The following TBCE variants were observed in gnomAD, a reference collection of about 807,000 sequenced individuals.
TBCE encodes tubulin folding cofactor E.
In TBCE, 53 loss-of-function variants were observed where a neutral mutation model predicts 77.0. The observed-to-expected ratio is 0.69, with a 90% CI of 0.55 to 0.87. The LOEUF is 0.87. TBCE is among the 40% of genes least tolerant of loss of function. The probability of loss-of-function intolerance (pLI) is 0.00; values close to 1 mark genes in which losing one functional copy is unlikely to be tolerated. For synonymous variants in TBCE, 235 were observed against 241.3 expected (o/e 0.97, Z 0.24); for missense variants, 624 against 622.4 (o/e 1.00, Z -0.03).
intron 1 of TBCE, among the ~76,000 whole-genome samples, chr1:235,376,040 T>G (rs2016437): frequency 0.73 from 111,287 of 151,966 alleles, 41,967 homozygotes; most frequent in African/African-American, 0.93. Context: ...AGCGAGACTC[T>G]TCTCAAAACA....
intron 1 of TBCE, among the ~76,000 whole-genome samples, chr1:235,376,391 G>A (rs757483542): frequency 6.6e-6 from 1 of 152,092 alleles, no homozygotes; most frequent in Non-Finnish European, 1.5e-5. Flanking sequence ...GTACCCTTAA[G>A]CTGAGCCCCA....
At chr1:235,398,752 GC>G (rs1553333808) in intron 2 of TBCE, among the ~76,000 whole-genome samples, 104 of 143,480 alleles carry the variant, frequency 7.2e-4, no homozygotes, top group Middle Eastern at 3.6e-3. Context: ...TGGGACTACA[GC>G]TACTGTAGTC....
intron 1 of TBCE, among the ~76,000 whole-genome samples, chr1:235,368,726 T>G (rs1433090493): frequency 6.8e-6 from 1 of 147,708 alleles, no homozygotes; most frequent in Non-Finnish European, 1.5e-5. Context: ...CCCAGCTAAT[T>G]TTTTTTTTTT....
chr1:235,371,078 A>C (rs1242112237), intron 1 of TBCE, among the ~76,000 whole-genome samples: 11 of 69,200 alleles, frequency 1.6e-4, no homozygotes, highest in Non-Finnish European at 2.3e-4. Context: ...TTTTTGAGAC[A>C]GAGTGGTTGC....
In TBCE at chr1:235,449,090, T is replaced by TGTCA. The variant is rs1682714656; in HGVS notation, c.*329_*332dup. 2 of 320,272 alleles carry TGTCA rather than the reference T, an allele frequency of 6.2e-6. No individual in the cohort carries two copies. Among genetic ancestry groups the TGTCA allele is most frequent in the East Asian group, 8.3e-5 (1 of 12,112 alleles). 19.8% of individuals were successfully genotyped at this position (320,272 alleles called of 1,614,324 possible). On this transcript the variant is annotated 3_prime_UTR_variant, in exon 17 of 17. Coordinates refer to ENST00000642610, the MANE Select transcript of TBCE (RefSeq NM_003193.5). Reference sequence around the variant, plus strand: ...ATAAAATCTGAACACAGTTAATATCTGTCATAAGACTAGTTTTAATGGAAT... The same window carrying TGTCA: ...ATAAAATCTGAACACAGTTAATATCTGTCAGTCATAAGACTAGTTTTAATGGAAT...
intron 2 of TBCE, among the ~76,000 whole-genome samples, chr1:235,388,429 C>CA (rs1558353256): frequency 5.3e-5 from 8 of 151,746 alleles, no homozygotes; most frequent in Non-Finnish European, 1.2e-4. Flanking sequence ...GCTGGGATTA[C>CA]GGGGACCCAC....
intron 16 of TBCE, 37 bp downstream of exon 16, chr1:235,448,477 C>T (rs1372198229): frequency 6.3e-7 from 1 of 1,584,688 alleles, no homozygotes; most frequent in African/African-American, 1.3e-5. Context: ...CAAAGTCAAG[C>T]TTAGTCCTCG....
At chr1:235,447,002 CT>C (rs1244297445) in intron 15 of TBCE, among the ~76,000 whole-genome samples, 1 of 152,078 alleles carries the variant, frequency 6.6e-6, no homozygotes. Context: ...TATGACCAAA[CT>C]TTTTGTTTCT....
intron 2 of TBCE, among the ~76,000 whole-genome samples, chr1:235,393,671 C>CA (rs1287887632): frequency 6.6e-6 from 1 of 151,968 alleles, no homozygotes; most frequent in Non-Finnish European, 1.5e-5. Context: ...ATAGAGTTGA[C>CA]ACAGGTAGTC....
intron 13 of TBCE, 54 bp downstream of exon 13, chr1:235,438,976 A>T: frequency 6.2e-7 from 1 of 1,613,184 alleles, no homozygotes; most frequent in Admixed American, 1.7e-5. Context: ...GCTGGAACAA[A>T]GTTTTTTCTT....
In TBCE at chr1:235,381,664, G is replaced by A. The variant is rs554112494; in HGVS notation, c.100+1515G>A. Among the ~76,000 whole-genome samples, 164 of 112,766 alleles carry A rather than the reference G, an allele frequency of 1.5e-3. No homozygotes were observed. In the Middle Eastern group the frequency reaches 0.047, roughly 32 times the overall value. 74.0% of individuals were successfully genotyped at this position (112,766 alleles called of 152,430 possible). ...CACGCCACTGCACCCCAGCCTGGGC[G>A]ACAGAGCGAGACTCCTTCTCCAAAA... is the stretch of plus-strand genomic sequence containing the variant. On this transcript the variant is annotated intron_variant, in intron 2 of 16. Coordinates refer to ENST00000642610, the MANE Select transcript of TBCE (RefSeq NM_003193.5).
intron 4 of TBCE, 127 bp from the exon 5 acceptor site, chr1:235,419,346 G>A (rs1401532056): frequency 7.5e-7 from 1 of 1,329,226 alleles, no homozygotes; most frequent in Non-Finnish European, 1.1e-6. Flanking sequence ...AATTTGGGTG[G>A]TGGTTACTGG....
chr1:235,419,350 T>C, intron 4 of TBCE, 123 bp from the exon 5 acceptor site: 1 of 1,374,044 alleles, frequency 7.3e-7, no homozygotes, highest in South Asian at 1.2e-5. Context: ...TGGGTGGTGG[T>C]TACTGGTATT....
In TBCE at chr1:235,438,900, C is replaced by T. The variant is rs574736385; in HGVS notation, c.1248C>T (p.Pro416=). The T allele has an allele frequency of 6.2e-7, 1 of 1,614,144 alleles. No homozygotes were observed. Among genetic ancestry groups the T allele is most frequent in the African/African-American group, 1.3e-5 (1 of 75,038 alleles). Residue 416 remains proline (P), a synonymous_variant, in exon 13 of 17, where the codon CCC becomes CCT. Transcript: ENST00000642610. ...RLSEEFLTAH[P]RYQFLCLKYG... ...GCGAAGAATTCCTCACAGCCCATCC[C>T]AGATACCAGTTCCTCTGCCTGAGTA...
intron 5 of TBCE, among the ~76,000 whole-genome samples, chr1:235,425,477 A>G (rs189102396): frequency 6.6e-6 from 1 of 151,894 alleles, no homozygotes; most frequent in African/African-American, 2.4e-5. Context: ...CTTTTACTGG[A>G]TTTTTTTGTT....
At chr1:235,433,210 A>G (rs1681207510) in intron 7 of TBCE, 3 of 1,282,500 alleles carry the variant, frequency 2.3e-6, no homozygotes, top group East Asian at 6.3e-5. Flanking sequence ...GGCCATGGCC[A>G]AGGGCGTCAT....
intron 1 of TBCE, among the ~76,000 whole-genome samples, chr1:235,379,571 A>G (rs554931496): frequency 6.6e-6 from 1 of 151,492 alleles, no homozygotes; most frequent in Non-Finnish European, 1.5e-5. Flanking sequence ...TCTAGCGCAA[A>G]TGTATCGTTT....
intron 2 of TBCE, among the ~76,000 whole-genome samples, chr1:235,389,788 T>G (rs1378892071): frequency 6.6e-6 from 1 of 152,192 alleles, no homozygotes; most frequent in East Asian, 1.9e-4. Context: ...GACCAGTTAA[T>G]CGTGCATATT....
At chr1:235,391,212 A>T (rs1200080534) in intron 2 of TBCE, among the ~76,000 whole-genome samples, 2 of 152,114 alleles carry the variant, frequency 1.3e-5, no homozygotes, top group Admixed American at 6.6e-5. Context: ...AGAATAAGCC[A>T]GGCGTGGTGG....
Sources: gnomAD v4.1 joint callset for allele counts (sites outside exome capture counted in the v4.1 genomes callset) on GRCh38, gnomAD v4.1.1 for gene constraint, MANE v1.5 for transcripts, NCBI Gene and HGNC (gene_info 2026-07-23, HGNC 2026-07-21) for gene names.